SMOC2: variants seen among roughly 807,000 people sequenced by gnomAD.
SMOC2 encodes SPARC related modular calcium binding 2.
SMOC2 carries 39 observed loss-of-function variants against 61.4 expected under a neutral mutation model. The ratio of observed to expected loss-of-function variants is 0.64; its 90% CI spans 0.49 to 0.83. The LOEUF (loss-of-function observed/expected upper bound fraction) is 0.83, where lower values mean the gene tolerates loss of function less well. Ranked by LOEUF, SMOC2 falls within the 40% of genes least tolerant of loss-of-function variation. The pLI is 0.00. For synonymous variants in SMOC2, 247 were observed against 239.9 expected (o/e 1.03, Z -0.27); for missense variants, 556 against 592.9 (o/e 0.94, Z 0.65).
intron 9 of SMOC2, among the ~76,000 whole-genome samples, chr6:168,628,203 T>G (rs905490859): frequency 4.6e-5 from 7 of 152,224 alleles, no homozygotes; most frequent in Admixed American, 4.6e-4. Context: ...GAGCCTCACT[T>G]TCTGTTGATA....
intron 9 of SMOC2, among the ~76,000 whole-genome samples, chr6:168,649,874 T>C (rs1183063955): frequency 6.6e-6 from 1 of 152,186 alleles, no homozygotes; most frequent in Non-Finnish European, 1.5e-5. Context: ...GTCCAGCTAC[T>C]GGGGCAGTAG....
At chr6:168,613,839 C>G in intron 9 of SMOC2, among the ~76,000 whole-genome samples, 1 of 121,220 alleles carries the variant, frequency 8.2e-6, no homozygotes, top group African/African-American at 3.3e-5. Flanking sequence ...CTCTTCACAC[C>G]TACAGCCAGC....
intron 2 of SMOC2, among the ~76,000 whole-genome samples, chr6:168,523,645 C>A (rs889116404): frequency 1.3e-5 from 2 of 151,884 alleles, no homozygotes; most frequent in African/African-American, 4.8e-5. Flanking sequence ...GTGATGCGCC[C>A]ACCTCAGCCT....
intron 1 of SMOC2, among the ~76,000 whole-genome samples, chr6:168,504,331 C>T (rs2115045736): frequency 6.6e-6 from 1 of 150,578 alleles, no homozygotes; most frequent in Non-Finnish European, 1.5e-5. Flanking sequence ...AGATAATGTG[C>T]AACTCGCCAT....
intron 4 of SMOC2, among the ~76,000 whole-genome samples, chr6:168,534,224 G>A (rs1413398834): frequency 6.6e-6 from 1 of 152,062 alleles, no homozygotes; most frequent in African/African-American, 2.4e-5. Flanking sequence ...TTACATCCAT[G>A]ATGACATAAA....
intron 1 of SMOC2, among the ~76,000 whole-genome samples, chr6:168,448,530 T>G (rs1197712961): frequency 4.0e-5 from 3 of 74,462 alleles, no homozygotes; most frequent in African/African-American, 1.1e-4. Flanking sequence ...GGGAGGAGGA[T>G]GAGGATGGGG....
Position 168,666,548 on chromosome 6 carries a change from A to C in SMOC2, c.*110A>C. On this transcript the variant is annotated 3_prime_UTR_variant, in exon 13 of 13. Coordinates refer to ENST00000356284, the MANE Select transcript of SMOC2 (RefSeq NM_001166412.2). Reference sequence around the variant, plus strand: ...CATAGTATTTGCACTTTGTACTTTAAATGTAAATTCACTTTGTAGAAATGA... The same window carrying C: ...CATAGTATTTGCACTTTGTACTTTACATGTAAATTCACTTTGTAGAAATGA... 1 of 1,188,860 alleles carries C rather than the reference A, an allele frequency of 8.4e-7. No homozygotes were observed. Among genetic ancestry groups the C allele is most frequent in the Non-Finnish European group, 1.2e-6 (1 of 808,124 alleles). 73.6% of individuals were successfully genotyped at this position (1,188,860 alleles called of 1,614,324 possible).
chr6:168,498,973 A>G lies in SMOC2; in HGVS notation c.85-10942A>G, dbSNP rs1249358039. ...TACGAGCCACAGTCTCTGGGGGGAC[A>G]GCCAGGGCCCATAGCCTGTCTACTG... On this transcript the variant is annotated intron_variant, in intron 1 of 12. Transcript: ENST00000356284. Among the ~76,000 whole-genome samples, 96 of 118,962 alleles carry G rather than the reference A, an allele frequency of 8.1e-4. 2 individuals carry two copies. The highest frequency in any genetic ancestry group is 2.5e-3 in the African/African-American group (79 of 31,492). 78.0% of individuals were successfully genotyped at this position (118,962 alleles called of 152,430 possible).
Position 168,565,567 on chromosome 6 carries a change from C to A in SMOC2, c.637+16364C>A, listed in dbSNP as rs370928467. On this transcript the variant is annotated intron_variant, in intron 7 of 12. Coordinates refer to ENST00000356284, the MANE Select transcript of SMOC2 (RefSeq NM_001166412.2). ...TAAAGGCTTTATCTCCAAATACAGT[C>A]ACATTCAGAGTTAAGCCTTCATCCA... 7.9e-5 allele frequency among the ~76,000 whole-genome samples: 12 copies of A among 152,322 alleles called. 1 individual carries two copies. The East Asian group carries it at 1.5e-3, about 20-fold the overall frequency.
rs549320465 is a variant in SMOC2, at chr6:168,441,347, C to T, written c.-24C>T. 1,119 of 1,499,186 alleles carry T rather than the reference C, an allele frequency of 7.5e-4. 14 individuals carry two copies. The African/African-American group carries it at 0.014, about 19-fold the overall frequency. The allele number at this position is 1,499,186 out of a possible 1,614,324, so 92.9% of individuals were successfully genotyped here. A position where few individuals can be genotyped will look rare whatever the true frequency, so the allele number is the denominator to read the frequency against. ...CCAGGGCGCAGGACGCGGCCGATCT[C>T]CCGCTCCCGCCACCTCCGCCACCAT... On this transcript the variant is annotated 5_prime_UTR_variant, in exon 1 of 13. Transcript: ENST00000356284.
At chr6:168,653,546 G>C (rs1234978294) in intron 11 of SMOC2, among the ~76,000 whole-genome samples, 2 of 152,156 alleles carry the variant, frequency 1.3e-5, no homozygotes, top group African/African-American at 4.8e-5. Context: ...TGCAAACCTG[G>C]GAACCACTGG....
chr6:168,611,330 A>G (rs1427251223), intron 9 of SMOC2, among the ~76,000 whole-genome samples: 1 of 31,936 alleles, frequency 3.1e-5, no homozygotes, highest in African/African-American at 1.3e-4. Flanking sequence ...TCTGGTTCCC[A>G]TGTCCGGGAC....
In SMOC2 at chr6:168,595,988, G is replaced by A. The variant is rs371982022; in HGVS notation, c.638-2830G>A. Among the ~76,000 whole-genome samples the A allele has an allele frequency of 5.3e-5, 8 of 152,278 alleles. No individual in the cohort carries two copies. The South Asian group carries it at 6.2e-4, about 12-fold the overall frequency. On this transcript the variant is annotated intron_variant, in intron 7 of 12. Transcript: ENST00000356284. ...GCACTAATAAAATTTCTGAAGAAGC[G>A]CTGCGGCGGTGCTGAGTCTTCCTGG...
intron 9 of SMOC2, among the ~76,000 whole-genome samples, chr6:168,643,626 T>A (rs1370270416): frequency 6.6e-6 from 1 of 152,202 alleles, no homozygotes; most frequent in African/African-American, 2.4e-5. Flanking sequence ...TTGTCTGCTG[T>A]TCCCGGCCTC....
At chr6:168,521,211 C>T (rs557635865) in intron 2 of SMOC2, among the ~76,000 whole-genome samples, 2 of 152,034 alleles carry the variant, frequency 1.3e-5, no homozygotes, top group Non-Finnish European at 2.9e-5. Context: ...TATGGTGGCA[C>T]GATCTCGGCT....
At chr6:168,560,627 CTTGGAGGAGGTG>C (rs1784396688) in intron 7 of SMOC2, among the ~76,000 whole-genome samples, 1 of 862 alleles carries the variant, frequency 1.2e-3, no homozygotes. Flanking sequence ...TCACTGCATT[CTTGGAGGAGGTG>C]TCATTTTCAT....
At chr6:168,472,482 C>T (rs569331158) in intron 1 of SMOC2, among the ~76,000 whole-genome samples, 11 of 151,894 alleles carry the variant, frequency 7.2e-5, no homozygotes, top group African/African-American at 2.7e-4. Context: ...TTAAATTGCT[C>T]CCTTAACAAA....
At chr6:168,603,117 C>CTCCTG (rs1562375647) in intron 8 of SMOC2, among the ~76,000 whole-genome samples, 2 of 151,772 alleles carry the variant, frequency 1.3e-5, no homozygotes, top group Non-Finnish European at 2.9e-5. Flanking sequence ...TCTGACATTT[C>CTCCTG]CCCTGCTTGC....
chr6:168,643,644 C>T (rs1227783714), intron 9 of SMOC2, among the ~76,000 whole-genome samples: 4 of 152,226 alleles, frequency 2.6e-5, no homozygotes, highest in African/African-American at 9.7e-5. Flanking sequence ...CTCATCATGG[C>T]CGTGGGGCAG....
Sources: allele counts gnomAD v4.1 joint callset (sites outside exome capture counted in the v4.1 genomes callset), GRCh38; gene constraint gnomAD v4.1.1; transcripts MANE v1.5; gene names NCBI Gene and HGNC (gene_info 2026-07-23, HGNC 2026-07-21).